Variants in TRPC7 observed in about 807,000 individuals in gnomAD.
TRPC7 encodes the protein transient receptor potential cation channel subfamily C member 7.
TRPC7 carries 42 observed loss-of-function variants against 90.1 expected under a neutral mutation model. The ratio of observed to expected loss-of-function variants is 0.47; its 90% CI spans 0.36 to 0.60. TRPC7 has a LOEUF of 0.60. Ranked by LOEUF, TRPC7 falls within the 20% of genes least tolerant of loss-of-function variation. TRPC7 has a pLI of 0.00. For synonymous variants in TRPC7, 451 were observed against 436.3 expected (o/e 1.03, Z -0.42); for missense variants, 955 against 1,112.3 (o/e 0.86, Z 2.01).
intron 8 of TRPC7, among the ~76,000 whole-genome samples, chr5:136,230,401 AT>A (rs1755778407): frequency 1.3e-5 from 2 of 152,060 alleles, no homozygotes; most frequent in Non-Finnish European, 2.9e-5. Flanking sequence ...TGTTCTTTTC[AT>A]TTGCTTATAC....
chr5:136,307,164 T>C (rs1278660090), intron 3 of TRPC7, among the ~76,000 whole-genome samples: 1 of 152,254 alleles, frequency 6.6e-6, no homozygotes, highest in African/African-American at 2.4e-5. Context: ...TTTACTTTCT[T>C]ACTTATTTTG....
intron 3 of TRPC7, 91 bp from the exon 4 acceptor site, chr5:136,274,928 G>C (rs949310326): frequency 2.9e-6 from 4 of 1,393,940 alleles, no homozygotes; most frequent in African/African-American, 1.4e-5. Context: ...GAGTAGCTGG[G>C]GGCTGAAATG....
At chr5:136,261,181 T>G (rs949675695) in intron 5 of TRPC7, among the ~76,000 whole-genome samples, 2 of 152,138 alleles carry the variant, frequency 1.3e-5, no homozygotes, top group African/African-American at 4.8e-5. Flanking sequence ...CAAATCTATC[T>G]CTCAGTTATT....
chr5:136,347,510 A>G (rs1043123350), intron 2 of TRPC7, among the ~76,000 whole-genome samples: 1 of 152,248 alleles, frequency 6.6e-6, no homozygotes, highest in African/African-American at 2.4e-5. Context: ...TACTTAGTTC[A>G]TGCAGCCAAC....
Position 136,231,399 on chromosome 5 carries a change from G to T in TRPC7, c.1995C>A (p.Leu665=). 1 of 1,609,498 alleles carries T rather than the reference G, an allele frequency of 6.2e-7. No individual in the cohort carries two copies. The change falls in exon 8 of 12, where the codon CTC becomes CTA. Residue 665 remains leucine, a synonymous_variant. Transcript: ENST00000513104. ...VYNVTMVVVL[L]NMLIAMINNS... is the part of the protein sequence containing the mutation. The stretch of plus-strand genomic sequence containing the variant: ...TGTTTATCATGGCTATTAGCATGTT[G>T]AGCAACACTACCACCATGGTGACGT...
At chr5:136,284,639 G>A (rs1757652557) in intron 3 of TRPC7, among the ~76,000 whole-genome samples, 1 of 152,204 alleles carries the variant, frequency 6.6e-6, no homozygotes, top group Non-Finnish European at 1.5e-5. Context: ...CAAGTTCAGT[G>A]TAGCTCCGAC....
intron 2 of TRPC7, among the ~76,000 whole-genome samples, chr5:136,327,542 T>C (rs904061346): frequency 2.6e-5 from 4 of 152,122 alleles, no homozygotes; most frequent in Admixed American, 6.5e-5. Flanking sequence ...GTGACTTCCA[T>C]AGCATGAAAT....
rs146623848 is a variant in TRPC7 at position 136,354,010 on chromosome 5, A to G, written c.780+2598T>C. Among the ~76,000 whole-genome samples the G allele has an allele frequency of 5.1e-3, 776 of 152,376 alleles. 5 individuals carry two copies. The highest frequency in any genetic ancestry group is 0.018 in the African/African-American group (738 of 41,592). ...TTAGTTTAGTATCATTTTATTTAGT[A>G]AGGCTGTCATGCTCCCACATATGGT... is the stretch of plus-strand genomic sequence containing the variant. On this transcript the variant is annotated intron_variant, in intron 2 of 11. Transcript: ENST00000513104.
At chr5:136,225,932 T>G in intron 9 of TRPC7, 102 bp downstream of exon 9, 1 of 982,110 alleles carries the variant, frequency 1.0e-6, no homozygotes, top group Non-Finnish European at 1.5e-6. Flanking sequence ...TGGCTCCCCT[T>G]GCATGGGGTG....
chr5:136,322,074 G>T (rs1411883818), intron 2 of TRPC7, among the ~76,000 whole-genome samples: 4 of 151,840 alleles, frequency 2.6e-5, no homozygotes, highest in Non-Finnish European at 5.9e-5. Flanking sequence ...GAGGGTACTG[G>T]CACAATCTCA....
At chr5:136,313,074 C>T (rs1044035695) in intron 3 of TRPC7, among the ~76,000 whole-genome samples, 2 of 146,064 alleles carry the variant, frequency 1.4e-5, no homozygotes, top group Non-Finnish European at 3.0e-5. Flanking sequence ...GTCTCAGCTT[C>T]TCATAGTGTT....
intron 3 of TRPC7, among the ~76,000 whole-genome samples, chr5:136,287,540 T>A (rs1450061242): frequency 1.3e-5 from 2 of 151,756 alleles, no homozygotes; most frequent in Admixed American, 6.6e-5. Context: ...AGGGTCTTCT[T>A]TGTGGAAATC....
At chr5:136,293,253 C>T (rs1250528700) in intron 3 of TRPC7, among the ~76,000 whole-genome samples, 1 of 152,198 alleles carries the variant, frequency 6.6e-6, no homozygotes, top group Non-Finnish European at 1.5e-5. Flanking sequence ...CCTCTCTCAC[C>T]ACTCCTATTC....
At chr5:136,341,009 TTC>T (rs1759827589) in intron 2 of TRPC7, among the ~76,000 whole-genome samples, 1 of 152,194 alleles carries the variant, frequency 6.6e-6, no homozygotes, top group Admixed American at 6.5e-5. Flanking sequence ...AAGAGACTCA[TTC>T]TCTCTGTCAG....
intron 2 of TRPC7, among the ~76,000 whole-genome samples, chr5:136,327,970 G>A (rs1037540278): frequency 2.0e-5 from 3 of 152,160 alleles, no homozygotes; most frequent in African/African-American, 7.2e-5. Context: ...GTAAGAACCT[G>A]AGCCTAGTGC....
chr5:136,223,176 C>T (rs543225538), intron 10 of TRPC7, among the ~76,000 whole-genome samples: 34 of 152,356 alleles, frequency 2.2e-4, no homozygotes, highest in Middle Eastern at 6.8e-3. Context: ...ATGAGCAAAG[C>T]TTTCCAAGGT....
At chr5:136,254,152 G>C (rs1255212253) in intron 5 of TRPC7, among the ~76,000 whole-genome samples, 1 of 152,220 alleles carries the variant, frequency 6.6e-6, no homozygotes, top group East Asian at 1.9e-4. Flanking sequence ...AAAAGTACAA[G>C]GTGAAGCACC....
intron 2 of TRPC7, among the ~76,000 whole-genome samples, chr5:136,349,131 C>T (rs1760106069): frequency 8.6e-6 from 1 of 116,710 alleles, no homozygotes; most frequent in Admixed American, 9.6e-5. Context: ...TGCCCATTTC[C>T]TCCTCCTCCT....
chr5:136,310,325 T>G (rs1415048466), intron 3 of TRPC7, among the ~76,000 whole-genome samples: 8 of 132,718 alleles, frequency 6.0e-5, no homozygotes, highest in African/African-American at 2.4e-4. Context: ...ATAAAAATCA[T>G]AGGGGAATTT....
Sources: allele counts gnomAD v4.1 joint callset (sites outside exome capture counted in the v4.1 genomes callset), GRCh38; gene constraint gnomAD v4.1.1; transcripts MANE v1.5; gene names NCBI Gene and HGNC (gene_info 2026-07-23, HGNC 2026-07-21).